The following CUL2 variants were observed in gnomAD, a reference collection of about 807,000 sequenced individuals.
CUL2 encodes the protein cullin 2, also known as cullin-2.
CUL2 carries 22 observed loss-of-function variants against 110.2 expected under a neutral mutation model. The observed-to-expected ratio is 0.20, with a 90% confidence interval of 0.14 to 0.28. CUL2 has a LOEUF of 0.28. Among genes scored for constraint, CUL2 ranks in the 10% least tolerant of loss-of-function variants. CUL2 has a pLI of 1.00. For synonymous variants in CUL2, 279 were observed against 293.2 expected, an observed-to-expected ratio of 0.95 and a Z score of 0.49; for missense variants, 631 against 905.5, an observed-to-expected ratio of 0.70 and a Z score of 3.89.
rs1241222560 is a variant in CUL2, at chr10:35,008,604, T to G, written c.*1707A>C. ...AAGTTATCAAAACAAGGGTTTGCTT[T>G]TTGACAGTGAATGTACAATATTATA... is the stretch of plus-strand genomic sequence containing the variant. On this transcript the variant is annotated 3_prime_UTR_variant, in exon 21 of 21. Coordinates refer to ENST00000374749, the MANE Select transcript of CUL2 (RefSeq NM_003591.4). The G allele has an allele frequency of 6.6e-6, 1 of 152,224 alleles. No individual in the cohort carries two copies. The highest frequency in any genetic ancestry group is 2.4e-5 in the African/African-American group (1 of 41,460). 9.4% of individuals were successfully genotyped at this position (152,224 alleles called of 1,614,324 possible).
intron 4 of CUL2, among the ~76,000 whole-genome samples, chr10:35,060,530 A>G (rs1487825534): frequency 6.6e-6 from 1 of 152,244 alleles, no homozygotes; most frequent in African/African-American, 2.4e-5. Flanking sequence ...TCGAGGGGAC[A>G]TGAGCTGAGA....
rs141707528 is a variant in CUL2 at position 35,021,537 on chromosome 10, A to G, written c.1684+3595T>C. On this transcript the variant is annotated intron_variant, in intron 17 of 20. Coordinates refer to ENST00000374749, the MANE Select transcript of CUL2 (RefSeq NM_003591.4). ...TTAATACATGTTTATATTAATGTCA[A>G]TTTTAATGTATGAATATGTATTAAA... is the stretch of plus-strand genomic sequence containing the variant. Among the ~76,000 whole-genome samples the G allele has an allele frequency of 2.6e-3, 402 of 151,966 alleles. 1 individual carries two copies. Among genetic ancestry groups the G allele is most frequent in the South Asian group, 0.012 (57 of 4,802 alleles).
chr10:35,041,816 T>C (rs965918641), intron 8 of CUL2, among the ~76,000 whole-genome samples: 2 of 152,134 alleles, frequency 1.3e-5, no homozygotes, highest in Non-Finnish European at 2.9e-5. Flanking sequence ...CAATTACAGG[T>C]CTGAGCCACC....
At chr10:35,018,418 G>C (rs1273675602) in intron 17 of CUL2, among the ~76,000 whole-genome samples, 1 of 151,286 alleles carries the variant, frequency 6.6e-6, no homozygotes, top group Non-Finnish European at 1.5e-5. Context: ...CCCTCTCAAG[G>C]ATAATTAGTA....
intron 2 of CUL2, among the ~76,000 whole-genome samples, chr10:35,063,515 A>G (rs1244469805): frequency 6.6e-6 from 1 of 152,230 alleles, no homozygotes; most frequent in Non-Finnish European, 1.5e-5. Context: ...AAAATTATTC[A>G]TTTGACACAG....
intron 1 of CUL2, among the ~76,000 whole-genome samples, chr10:35,117,155 C>T (rs2087618335): frequency 6.6e-6 from 1 of 152,102 alleles, no homozygotes; most frequent in Non-Finnish European, 1.5e-5. Flanking sequence ...CAGATGCCTG[C>T]AGGAAGAGAA....
intron 5 of CUL2, among the ~76,000 whole-genome samples, chr10:35,052,596 TAAC>T (rs2086138611): frequency 6.6e-6 from 1 of 152,090 alleles, no homozygotes; most frequent in Non-Finnish European, 1.5e-5. Context: ...TTGTTTGTAA[TAAC>T]AAAAAATTAA....
intron 17 of CUL2, among the ~76,000 whole-genome samples, chr10:35,016,859 G>A (rs1161942354): frequency 2.0e-5 from 3 of 150,500 alleles, no homozygotes; most frequent in Non-Finnish European, 3.0e-5. Flanking sequence ...CCTGGGAGGC[G>A]GAGGTTGCAG....
At chr10:35,046,043 A>G (rs184928471) in intron 6 of CUL2, among the ~76,000 whole-genome samples, 1 of 152,350 alleles carries the variant, frequency 6.6e-6, no homozygotes, top group East Asian at 1.9e-4. Context: ...TTTACATACT[A>G]GAGTCCTTCC....
At chr10:35,021,205 G>A (rs2085172001) in intron 17 of CUL2, among the ~76,000 whole-genome samples, 1 of 151,394 alleles carries the variant, frequency 6.6e-6, no homozygotes, top group South Asian at 2.1e-4. Flanking sequence ...CATTCTAACT[G>A]CAGATTAAAT....
At chr10:35,108,193 C>T (rs2087486491) in intron 1 of CUL2, among the ~76,000 whole-genome samples, 1 of 152,094 alleles carries the variant, frequency 6.6e-6, no homozygotes, top group East Asian at 1.9e-4. Flanking sequence ...CACAGTGGCT[C>T]ATGCCTGTAA....
chr10:35,079,009 C>A (rs889433548), intron 1 of CUL2, among the ~76,000 whole-genome samples: 13 of 152,154 alleles, frequency 8.5e-5, no homozygotes, highest in Admixed American at 7.9e-4. Context: ...TACTGAAGAC[C>A]CAATAAAGAG....
At position 35,073,323 on chromosome 10, in the gene CUL2, G is replaced by A. The variant is rs1589036473; in HGVS notation, c.-22-1984C>T. ...CTGAGTTTCCTAAGCTCTAAATAAG[G>A]GAATTAACCATGCCTCCTTCTCTTC... On this transcript the variant is annotated intron_variant, in intron 1 of 20. Coordinates refer to ENST00000374749, the MANE Select transcript of CUL2 (RefSeq NM_003591.4). Among the ~76,000 whole-genome samples the A allele has an allele frequency of 4.6e-5, 7 of 152,158 alleles. No homozygotes were observed. In the South Asian group the frequency reaches 1.5e-3, roughly 32 times the overall value.
At chr10:35,057,103 A>G (rs1013386187) in intron 4 of CUL2, among the ~76,000 whole-genome samples, 20 of 152,340 alleles carry the variant, frequency 1.3e-4, no homozygotes, top group African/African-American at 4.8e-4. Flanking sequence ...CCTACATAAT[A>G]AGTGTAAACT....
At chr10:35,024,228 CT>C in intron 17 of CUL2, among the ~76,000 whole-genome samples, 1 of 152,290 alleles carries the variant, frequency 6.6e-6, no homozygotes, top group South Asian at 2.1e-4. Context: ...GAATGTCCAA[CT>C]TGCTCAGTAA....
chr10:35,020,364 A>G (rs2085152775), intron 17 of CUL2, among the ~76,000 whole-genome samples: 1 of 152,196 alleles, frequency 6.6e-6, no homozygotes, highest in Admixed American at 6.5e-5. Context: ...GGAAATTTGA[A>G]TATGGACTGG....
At chr10:35,098,816 C>A (rs559254917) in intron 2 of CUL2, among the ~76,000 whole-genome samples, 1 of 152,200 alleles carries the variant, frequency 6.6e-6, no homozygotes, top group South Asian at 2.1e-4. Flanking sequence ...CGCCTGTAAT[C>A]CCAGTTACTT....
At chr10:35,057,386 G>T (rs932278041) in intron 4 of CUL2, among the ~76,000 whole-genome samples, 2 of 151,768 alleles carry the variant, frequency 1.3e-5, no homozygotes, top group Non-Finnish European at 2.9e-5. Flanking sequence ...GCCAGGCACG[G>T]TGGCTCATGT....
At chr10:35,059,575 C>T (rs1197698905) in intron 4 of CUL2, among the ~76,000 whole-genome samples, 2 of 152,174 alleles carry the variant, frequency 1.3e-5, no homozygotes, top group African/African-American at 2.4e-5. Context: ...CACTGGGAAA[C>T]CAAACAACTT....
Sources: allele counts gnomAD v4.1 joint callset (sites outside exome capture counted in the v4.1 genomes callset), GRCh38; gene constraint gnomAD v4.1.1; transcripts MANE v1.5; gene names NCBI Gene and HGNC (gene_info 2026-07-23, HGNC 2026-07-21).